Variants in ANO10 observed in about 807,000 individuals in gnomAD.
The protein encoded by ANO10 is anoctamin-10.
ANO10 carries 77 observed loss-of-function variants against 74.7 expected under a neutral mutation model. That is an observed-to-expected ratio of 1.03 (90% CI 0.86 to 1.25). The LOEUF (loss-of-function observed/expected upper bound fraction) is 1.25. Among genes scored for constraint, ANO10 ranks in the 50% most tolerant of loss-of-function variants. The probability of loss-of-function intolerance (pLI) is 0.00; values close to 1 mark genes in which losing one functional copy is unlikely to be tolerated. For missense variants in ANO10, 721 were observed against 778.1 expected, an observed-to-expected ratio of 0.93 and a Z score of 0.87; for synonymous variants, 279 against 284.9, an observed-to-expected ratio of 0.98 and a Z score of 0.21.
At chr3:43,651,563 T>C (rs960952691) in intron 1 of ANO10, among the ~76,000 whole-genome samples, 1 of 152,230 alleles carries the variant, frequency 6.6e-6, no homozygotes, top group African/African-American at 2.4e-5. Flanking sequence ...GTGGCAGTCC[T>C]GGCAAAATCA....
Position 43,485,796 on chromosome 3 carries a change from G to A in ANO10, c.1798-53069C>T, listed in dbSNP as rs181471272. 1,321 of 267,844 alleles carry A rather than the reference G, an allele frequency of 4.9e-3. 19 individuals are homozygous for A. The highest frequency in any genetic ancestry group is 0.013 in the Admixed American group (280 of 21,208). 16.6% of individuals were successfully genotyped at this position (267,844 alleles called of 1,614,324 possible). A position where few individuals can be genotyped will look rare whatever the true frequency, so the allele number is the denominator to read the frequency against. Reference sequence around the variant, plus strand: ...TGATTAGGCGCAAAGATTTGCATGTGGTAGTGGGGCAGTGTGTGGCATTCC... The same window carrying A: ...TGATTAGGCGCAAAGATTTGCATGTAGTAGTGGGGCAGTGTGTGGCATTCC... On this transcript the variant is annotated intron_variant, in intron 11 of 12. Coordinates refer to ENST00000292246, the MANE Select transcript of ANO10 (RefSeq NM_018075.5).
rs532644097 is a variant in ANO10 at position 43,657,954 on chromosome 3, G to A, written c.-12+33563C>T. Among the ~76,000 whole-genome samples, 42 of 152,156 alleles carry A rather than the reference G, an allele frequency of 2.8e-4. No individual in the cohort carries two copies. In the South Asian group the frequency reaches 3.5e-3, roughly 13 times the overall value. ...TTCTTTCTTTTAAGATGTGTATTCCGTCTGGATGGCTTAATATTTTTTTCC... is the reference window on the plus strand; with the variant it reads ...TTCTTTCTTTTAAGATGTGTATTCCATCTGGATGGCTTAATATTTTTTTCC... On this transcript the variant is annotated intron_variant, in intron 1 of 3. Coordinates refer to the ANO10 transcript ENST00000413397.
At chr3:43,439,899 T>G (rs2093134161) in intron 11 of ANO10, among the ~76,000 whole-genome samples, 1 of 152,074 alleles carries the variant, frequency 6.6e-6, no homozygotes, top group African/African-American at 2.4e-5. Flanking sequence ...AAATAGTTAT[T>G]TGTGACATTG....
chr3:43,478,875 G>C (rs2076168253), intron 11 of ANO10, among the ~76,000 whole-genome samples: 1 of 152,128 alleles, frequency 6.6e-6, no homozygotes, highest in African/African-American at 2.4e-5. Context: ...TCCATTTTAA[G>C]GTTAGAGCAT....
At chr3:43,382,796 A>G (rs2092005759) in intron 12 of ANO10, among the ~76,000 whole-genome samples, 1 of 152,210 alleles carries the variant, frequency 6.6e-6, no homozygotes, top group Admixed American at 6.5e-5. Flanking sequence ...AAATTCCTGG[A>G]AATATACAAC....
In ANO10 at chr3:43,404,333, C is replaced by T. The variant is rs1295228783; in HGVS notation, c.1914+28278G>A. Among the ~76,000 whole-genome samples, 7 of 152,122 alleles carry T rather than the reference C, an allele frequency of 4.6e-5. 1 individual carries two copies. In the South Asian group the frequency reaches 1.0e-3, roughly 22 times the overall value. ...TGGATAATAACCAGCAAGAAAATGC[C>T]GAACACAGCCTTAAGGCCACAAGGA... On this transcript the variant is annotated intron_variant, in intron 12 of 12. Coordinates refer to ENST00000292246, the MANE Select transcript of ANO10 (RefSeq NM_018075.5).
At chr3:43,670,093 C>T (rs2084039464) in intron 1 of ANO10, among the ~76,000 whole-genome samples, 1 of 152,006 alleles carries the variant, frequency 6.6e-6, no homozygotes, top group African/African-American at 2.4e-5. Flanking sequence ...TGGCTCACAC[C>T]TGTAATCCCG....
intron 1 of ANO10, among the ~76,000 whole-genome samples, chr3:43,687,246 G>GT (rs1158488436): frequency 6.6e-6 from 1 of 152,190 alleles, no homozygotes; most frequent in African/African-American, 2.4e-5. Context: ...GGGCAACACA[G>GT]TGAGACCTGT....
intron 1 of ANO10, among the ~76,000 whole-genome samples, chr3:43,665,380 G>C (rs1024133485): frequency 6.6e-6 from 1 of 152,080 alleles, no homozygotes; most frequent in Non-Finnish European, 1.5e-5. Context: ...GTGGGGGGTG[G>C]GCGGTTAAGG....
intron 11 of ANO10, chr3:43,485,204 T>C (rs958608975): frequency 1.0e-5 from 7 of 687,860 alleles, no homozygotes; most frequent in African/African-American, 7.0e-5. Flanking sequence ...GGTACCGGTA[T>C]TGCCGGTACA....
At chr3:43,593,874 T>A (rs1308090988) in intron 4 of ANO10, among the ~76,000 whole-genome samples, 5 of 152,156 alleles carry the variant, frequency 3.3e-5, no homozygotes, top group African/African-American at 1.2e-4. Flanking sequence ...CCATCTCACA[T>A]GCAGAGACAC....
intron 11 of ANO10, among the ~76,000 whole-genome samples, chr3:43,484,336 T>G (rs901743377): frequency 6.6e-5 from 10 of 152,118 alleles, no homozygotes; most frequent in African/African-American, 1.9e-4. Context: ...TCAGAGAACA[T>G]AGATGGTAAA....
chr3:43,503,604 T>C (rs1182718343), intron 11 of ANO10, among the ~76,000 whole-genome samples: 1 of 152,206 alleles, frequency 6.6e-6, no homozygotes, highest in Non-Finnish European at 1.5e-5. Flanking sequence ...TTGACTAATA[T>C]CGTTCTCTTT....
At chr3:43,640,892 T>G (rs1355063337) in intron 1 of ANO10, among the ~76,000 whole-genome samples, 1 of 152,166 alleles carries the variant, frequency 6.6e-6, no homozygotes, top group African/African-American at 2.4e-5. Flanking sequence ...GAGAATTTAA[T>G]GTGTTTCAAG....
intron 11 of ANO10, among the ~76,000 whole-genome samples, chr3:43,470,313 T>C (rs2075798633): frequency 6.6e-6 from 1 of 152,184 alleles, no homozygotes; most frequent in African/African-American, 2.4e-5. Context: ...GGAACCTGTT[T>C]GGGCTATGGG....
At chr3:43,443,569 T>A (rs770294291) in intron 11 of ANO10, among the ~76,000 whole-genome samples, 8 of 151,136 alleles carry the variant, frequency 5.3e-5, no homozygotes, top group Non-Finnish European at 8.8e-5. Flanking sequence ...ATAGCTGGAA[T>A]CTAAAAGAAG....
intron 4 of ANO10, among the ~76,000 whole-genome samples, chr3:43,591,238 C>A (rs902459899): frequency 6.6e-6 from 1 of 152,200 alleles, no homozygotes. Flanking sequence ...TGACTTCCAT[C>A]CCTCCAGATC....
chr3:43,382,822 G>A (rs1431301738), intron 12 of ANO10, among the ~76,000 whole-genome samples: 2 of 152,102 alleles, frequency 1.3e-5, no homozygotes, highest in East Asian at 3.9e-4. Context: ...TAGTTTAAAC[G>A]AGGGAGAAAT....
upstream of ANO10, among the ~76,000 whole-genome samples, chr3:43,622,683 A>G (rs570640672): frequency 7.2e-5 from 11 of 151,984 alleles, no homozygotes; most frequent in African/African-American, 2.2e-4. Flanking sequence ...TTCTGCCCAG[A>G]AAGCTCTTCC....
Sources: gnomAD v4.1 joint callset for allele counts (sites outside exome capture counted in the v4.1 genomes callset) on GRCh38, gnomAD v4.1.1 for gene constraint, MANE v1.5 for transcripts, NCBI Gene and HGNC (gene_info 2026-07-23, HGNC 2026-07-21) for gene names.